NCAM1: variants seen among roughly 807,000 people sequenced by gnomAD.
NCAM1 encodes neural cell adhesion molecule 1.
Under a neutral mutation model 109.8 loss-of-function variants are expected in NCAM1, and 14 were observed. The observed-to-expected ratio is 0.13, with a 90% CI of 0.08 to 0.20. The LOEUF (loss-of-function observed/expected upper bound fraction) is 0.20. NCAM1 is among the 10% of genes least tolerant of loss of function. NCAM1 has a pLI of 1.00. For synonymous variants in NCAM1, 418 were observed against 442.9 expected (o/e 0.94, Z 0.70); for missense variants, 774 against 1,109.9 (o/e 0.70, Z 4.30).
chr11:113,188,834 A>AGTGTGTGTGT (rs144748025), intron 1 of NCAM1, among the ~76,000 whole-genome samples: 1 of 150,596 alleles, frequency 6.6e-6, no homozygotes, highest in African/African-American at 2.4e-5. Context: ...TGTGAGTGTG[A>AGTGTGTGTGT]GTGTGTGTGT....
intron 17 of NCAM1, among the ~76,000 whole-genome samples, chr11:113,262,323 T>C (rs782182808): frequency 6.6e-6 from 1 of 152,240 alleles, no homozygotes; most frequent in Non-Finnish European, 1.5e-5. Flanking sequence ...AGTGCAGCGA[T>C]CCAATGCATC....
intron 15 of NCAM1, among the ~76,000 whole-genome samples, chr11:113,251,197 A>G (rs1945668188): frequency 6.6e-6 from 1 of 152,222 alleles, no homozygotes. Flanking sequence ...TTTGAGTGAG[A>G]AATAGAATAT....
intron 1 of NCAM1, among the ~76,000 whole-genome samples, chr11:112,988,223 C>A (rs1176503964): frequency 2.6e-5 from 4 of 152,110 alleles, no homozygotes; most frequent in African/African-American, 9.7e-5. Flanking sequence ...CAATTTACTT[C>A]CCTTTATATT....
At chr11:113,272,968 T>G (rs1555125782) in intron 19 of NCAM1, 2 of 456,852 alleles carry the variant, frequency 4.4e-6, no homozygotes, top group Non-Finnish European at 8.8e-6. Context: ...GTCGAGGACA[T>G]GCTGCCTTCT....
At chr11:113,206,012 C>G (rs1944226935) in intron 4 of NCAM1, 31 bp from the exon 5 acceptor site, 2 of 1,613,476 alleles carry the variant, frequency 1.2e-6, no homozygotes, top group Non-Finnish European at 1.7e-6. Flanking sequence ...CTGACTGATT[C>G]TTGGATGAAC....
At chr11:113,068,793 C>A (rs1036272374) in intron 1 of NCAM1, among the ~76,000 whole-genome samples, 1 of 152,046 alleles carries the variant, frequency 6.6e-6, no homozygotes, top group Non-Finnish European at 1.5e-5. Flanking sequence ...CCTAGAGGTG[C>A]GGTTTAGTCT....
chr11:113,062,243 C>A (rs1170440453), intron 1 of NCAM1, among the ~76,000 whole-genome samples: 7 of 152,180 alleles, frequency 4.6e-5, no homozygotes, highest in Non-Finnish European at 2.9e-5. Flanking sequence ...ATTAAGTGGT[C>A]ACTGTCCATT....
intron 1 of NCAM1, among the ~76,000 whole-genome samples, chr11:113,000,077 T>C (rs1951703097): frequency 6.6e-6 from 1 of 152,140 alleles, no homozygotes; most frequent in Non-Finnish European, 1.5e-5. Context: ...CCTGGCCTGA[T>C]ATTCTGCCAC....
intron 9 of NCAM1, among the ~76,000 whole-genome samples, chr11:113,223,061 G>A (rs1033338554): frequency 3.3e-5 from 5 of 152,102 alleles, no homozygotes; most frequent in African/African-American, 1.2e-4. Context: ...TTGATGAGAA[G>A]AATAATTATC....
chr11:113,053,907 C>T (rs577768470), intron 1 of NCAM1, among the ~76,000 whole-genome samples: 69 of 152,264 alleles, frequency 4.5e-4, no homozygotes, highest in African/African-American at 1.5e-3. Context: ...TTCCCATGTC[C>T]GCCTTCTCTT....
intron 1 of NCAM1, among the ~76,000 whole-genome samples, chr11:113,153,557 A>G (rs1942311315): frequency 6.6e-6 from 1 of 152,060 alleles, no homozygotes. Context: ...ATAGATGGTG[A>G]CACTTTTAAG....
At chr11:113,111,614 A>C (rs1555093725) in intron 1 of NCAM1, among the ~76,000 whole-genome samples, 2 of 152,162 alleles carry the variant, frequency 1.3e-5, no homozygotes, top group African/African-American at 4.8e-5. Context: ...ACATTTGTTG[A>C]AACTCAGGAT....
At chr11:113,100,805 A>G (rs1939841589) in intron 1 of NCAM1, among the ~76,000 whole-genome samples, 1 of 152,090 alleles carries the variant, frequency 6.6e-6, no homozygotes, top group African/African-American at 2.4e-5. Context: ...AGGGATGTGA[A>G]GTTCTCATTT....
chr11:113,074,782 C>T (rs1214393318), intron 1 of NCAM1, among the ~76,000 whole-genome samples: 1 of 152,128 alleles, frequency 6.6e-6, no homozygotes, highest in Non-Finnish European at 1.5e-5. Flanking sequence ...CAGGCCCATG[C>T]CACCATGCCT....
intron 15 of NCAM1, among the ~76,000 whole-genome samples, chr11:113,248,228 CAAAAA>C (rs34946502): frequency 5.4e-5 from 7 of 130,088 alleles, no homozygotes; most frequent in East Asian, 2.2e-4. Context: ...TGGCCGGTAC[CAAAAA>C]AAAAAAAAAA....
At chr11:113,230,096 AAAAAG>A (rs1238653586) in intron 9 of NCAM1, among the ~76,000 whole-genome samples, 18 of 152,200 alleles carry the variant, frequency 1.2e-4, no homozygotes, top group Admixed American at 9.2e-4. Flanking sequence ...AAAAAAAAAG[AAAAAG>A]AAAAGAAAAT....
At chr11:113,221,397 A>G in intron 9 of NCAM1, 72 bp downstream of exon 9, 1 of 1,467,122 alleles carries the variant, frequency 6.8e-7, no homozygotes, top group Non-Finnish European at 9.3e-7. Flanking sequence ...ATTGCAGTTT[A>G]ATAACCAGAC....
In NCAM1 at chr11:112,963,631, C is replaced by A. The variant is rs1177425421; in HGVS notation, c.52+1967C>A. Among the ~76,000 whole-genome samples, 1 of 152,176 alleles carries A rather than the reference C, an allele frequency of 6.6e-6. No homozygotes were observed. The highest frequency in any genetic ancestry group is 1.9e-4 in the East Asian group (1 of 5,190). On this transcript the variant is annotated intron_variant, in intron 1 of 19. Coordinates refer to ENST00000316851, the MANE Select transcript of NCAM1 (RefSeq NM_181351.5). The surrounding 1 kb of genome is among the most constrained non-coding windows in gnomAD (Gnocchi z 4.6). ...CTTTCCGCGGTGCCCGTGGGTGCCG[C>A]GACGCGACCTGTCCACATGGGGCGG...
chr11:113,158,224 T>C (rs1042729733), intron 1 of NCAM1, among the ~76,000 whole-genome samples: 1 of 152,206 alleles, frequency 6.6e-6, no homozygotes, highest in Non-Finnish European at 1.5e-5. Flanking sequence ...CTTGAAAGCT[T>C]GAATTTTATT....
Sources: gnomAD v4.1 joint callset for allele counts (sites outside exome capture counted in the v4.1 genomes callset) on GRCh38, gnomAD v4.1.1 for gene constraint, Gnocchi (gnomAD v3.1) non-coding constraint, MANE v1.5 for transcripts, NCBI Gene and HGNC (gene_info 2026-07-23, HGNC 2026-07-21) for gene names.